SKAP2: variants seen among roughly 807,000 people sequenced by gnomAD.
SKAP2 encodes src kinase associated phosphoprotein 2.
In SKAP2, 28 loss-of-function variants were observed where a neutral mutation model predicts 54.9. The ratio of observed to expected loss-of-function variants is 0.51; its 90% confidence interval spans 0.38 to 0.70. The LOEUF (loss-of-function observed/expected upper bound fraction) is 0.70. SKAP2 is among the 30% of genes least tolerant of loss of function. The pLI, the probability that SKAP2 is intolerant of heterozygous loss-of-function variation, is 0.00. For missense variants in SKAP2, 356 were observed against 424.1 expected (o/e 0.84, Z 1.41); for synonymous variants, 137 against 134.3 (o/e 1.02, Z -0.14).
At chr7:26,697,465 T>C (rs1351059587) in intron 9 of SKAP2, among the ~76,000 whole-genome samples, 1 of 152,208 alleles carries the variant, frequency 6.6e-6, no homozygotes, top group African/African-American at 2.4e-5. Context: ...CTTGTCCCAT[T>C]GAATTATTCA....
rs756918452 is a variant in SKAP2 at position 26,668,170 on chromosome 7, A to T, written c.*1496T>A. On this transcript the variant is annotated 3_prime_UTR_variant, in exon 13 of 13. Transcript: ENST00000345317. ...TTACACAAATAATGGAGATTTTAAAATATTACCAGCTCAGATACATGTTTA... is the reference window on the plus strand; with the variant it reads ...TTACACAAATAATGGAGATTTTAAATTATTACCAGCTCAGATACATGTTTA... 6.6e-6 allele frequency: 1 copy of T among 152,180 alleles called. No homozygotes were observed. Among genetic ancestry groups the T allele is most frequent in the Non-Finnish European group, 1.5e-5 (1 of 68,030 alleles). The allele number at this position is 152,180 out of a possible 1,614,324, so 9.4% of individuals were successfully genotyped here.
At chr7:26,717,757 C>T (rs979790710) in intron 9 of SKAP2, among the ~76,000 whole-genome samples, 3 of 149,756 alleles carry the variant, frequency 2.0e-5, no homozygotes, top group Non-Finnish European at 3.0e-5. Context: ...ACTTGAACCT[C>T]GGGGGTAGAG....
At chr7:26,819,523 A>C (rs1784343149) in intron 4 of SKAP2, among the ~76,000 whole-genome samples, 1 of 151,844 alleles carries the variant, frequency 6.6e-6, no homozygotes, top group South Asian at 2.1e-4. Context: ...TACCTATGTA[A>C]CAAAGCTGCG....
At chr7:26,681,670 A>C (rs1182511450) in intron 11 of SKAP2, among the ~76,000 whole-genome samples, 1 of 152,230 alleles carries the variant, frequency 6.6e-6, no homozygotes, top group Non-Finnish European at 1.5e-5. Flanking sequence ...GTCCATTACT[A>C]AAAGAAAGCT....
chr7:26,825,328 G>A (rs1291808084), intron 4 of SKAP2, among the ~76,000 whole-genome samples: 3 of 151,142 alleles, frequency 2.0e-5, no homozygotes, highest in Admixed American at 6.6e-5. Flanking sequence ...ATGTATCTTC[G>A]CTAACTGCCT....
At chr7:26,830,389 T>C (rs1784573429) in intron 4 of SKAP2, among the ~76,000 whole-genome samples, 1 of 152,132 alleles carries the variant, frequency 6.6e-6, no homozygotes, top group Non-Finnish European at 1.5e-5. Context: ...TACTTTAAAT[T>C]AGTATATTCT....
At chr7:26,831,125 C>T (rs1309004152) in intron 4 of SKAP2, among the ~76,000 whole-genome samples, 1 of 152,060 alleles carries the variant, frequency 6.6e-6, no homozygotes, top group Non-Finnish European at 1.5e-5. Context: ...TTCAAATGTT[C>T]TTAAAAGTTT....
chr7:26,734,761 C>A (rs371086618), intron 6 of SKAP2, among the ~76,000 whole-genome samples: 114 of 152,226 alleles, frequency 7.5e-4, no homozygotes, highest in Admixed American at 2.1e-3. Context: ...TTCCACAGCT[C>A]TCTCTAGCCT....
intron 4 of SKAP2, among the ~76,000 whole-genome samples, chr7:26,754,608 G>T (rs1405754459): frequency 2.0e-5 from 3 of 152,130 alleles, no homozygotes; most frequent in African/African-American, 7.2e-5. Flanking sequence ...AAATTTTAAT[G>T]ATTTAGTTCA....
chr7:26,694,114 T>A (rs1233702147), intron 9 of SKAP2, among the ~76,000 whole-genome samples: 3 of 152,210 alleles, frequency 2.0e-5, no homozygotes, highest in African/African-American at 7.2e-5. Context: ...CATATTTTTT[T>A]ATTTAGGTTT....
At chr7:26,789,828 G>T (rs1190521742) in intron 4 of SKAP2, among the ~76,000 whole-genome samples, 3 of 152,138 alleles carry the variant, frequency 2.0e-5, no homozygotes, top group African/African-American at 7.2e-5. Flanking sequence ...AAATTGGCAG[G>T]TCTCATCCTT....
intron 4 of SKAP2, among the ~76,000 whole-genome samples, chr7:26,821,620 A>G (rs996926459): frequency 1.3e-5 from 2 of 152,300 alleles, no homozygotes; most frequent in African/African-American, 4.8e-5. Context: ...TCCCTCTTAA[A>G]TATCTTTGAC....
chr7:26,721,833 G>A (rs1787584524), intron 9 of SKAP2, among the ~76,000 whole-genome samples: 2 of 152,132 alleles, frequency 1.3e-5, no homozygotes, highest in African/African-American at 4.8e-5. Context: ...AGAGCAAACA[G>A]GGTTGGTTTC....
chr7:26,797,216 A>G (rs1017942496), intron 4 of SKAP2, among the ~76,000 whole-genome samples: 3 of 152,238 alleles, frequency 2.0e-5, no homozygotes, highest in Non-Finnish European at 2.9e-5. Context: ...TAAAATAGGC[A>G]GTAGCCATGG....
intron 4 of SKAP2, among the ~76,000 whole-genome samples, chr7:26,743,480 A>T (rs1782498538): frequency 6.6e-6 from 1 of 152,168 alleles, no homozygotes; most frequent in African/African-American, 2.4e-5. Context: ...TACTTAAATG[A>T]AAGTGGTTAA....
intron 4 of SKAP2, among the ~76,000 whole-genome samples, chr7:26,773,006 A>G (rs1783221818): frequency 1.3e-5 from 2 of 152,252 alleles, no homozygotes; most frequent in Admixed American, 1.3e-4. Context: ...GGTCTTGAAG[A>G]TCCAGTCTGT....
At chr7:26,754,190 C>T (rs1245359373) in intron 4 of SKAP2, among the ~76,000 whole-genome samples, 1 of 151,884 alleles carries the variant, frequency 6.6e-6, no homozygotes, top group South Asian at 2.1e-4. Flanking sequence ...ATGGTGAAAC[C>T]CCTTCTCCAC....
At chr7:26,710,462 C>G (rs1417379006) in intron 9 of SKAP2, among the ~76,000 whole-genome samples, 2 of 152,050 alleles carry the variant, frequency 1.3e-5, no homozygotes, top group African/African-American at 2.4e-5. Context: ...TGATCTGGGC[C>G]TAGAGAGCAG....
intron 6 of SKAP2, among the ~76,000 whole-genome samples, chr7:26,732,550 A>G (rs1056257526): frequency 6.6e-6 from 1 of 152,226 alleles, no homozygotes; most frequent in Non-Finnish European, 1.5e-5. Flanking sequence ...GTGTTCAGCA[A>G]TATCTACTAC....
Sources: gnomAD v4.1 joint callset for allele counts (sites outside exome capture counted in the v4.1 genomes callset) on GRCh38, gnomAD v4.1.1 for gene constraint, MANE v1.5 for transcripts, NCBI Gene and HGNC (gene_info 2026-07-23, HGNC 2026-07-21) for gene names.